Variants in TBC1D22A observed in about 807,000 individuals in gnomAD.
The protein encoded by TBC1D22A is TBC1 domain family member 22A, also known as putative GTPase activator.
Under a neutral mutation model 60.2 loss-of-function variants are expected in TBC1D22A, and 38 were observed. The observed-to-expected ratio is 0.63, with a 90% CI of 0.49 to 0.83. TBC1D22A has a LOEUF of 0.83. TBC1D22A is among the 40% of genes least tolerant of loss of function. The pLI, the probability that TBC1D22A is intolerant of heterozygous loss-of-function variation, is 0.00. For missense variants in TBC1D22A, 628 were observed against 701.0 expected (o/e 0.90, Z 1.18); for synonymous variants, 302 against 281.7 (o/e 1.07, Z -0.72).
intron 8 of TBC1D22A, among the ~76,000 whole-genome samples, chr22:46,941,834 A>ATAT (rs370457997): frequency 9.0e-5 from 11 of 121,796 alleles, no homozygotes; most frequent in African/African-American, 1.1e-4. Flanking sequence ...TATATAGAAT[A>ATAT]ATAGAATATA....
At chr22:46,879,567 C>T (rs1049503111) in intron 5 of TBC1D22A, among the ~76,000 whole-genome samples, 7 of 152,166 alleles carry the variant, frequency 4.6e-5, no homozygotes, top group South Asian at 2.1e-4. Context: ...TAAATGCAGA[C>T]GCAGCTCTGA....
intron 1 of TBC1D22A, among the ~76,000 whole-genome samples, chr22:46,770,759 TC>T (rs1431981923): frequency 1.3e-5 from 2 of 151,906 alleles, no homozygotes; most frequent in Non-Finnish European, 2.9e-5. Context: ...CGCCTTGCTT[TC>T]TTGTGTTTTT....
At position 46,804,381 on chromosome 22, in the gene TBC1D22A, C is replaced by T. The variant is rs372556984; in HGVS notation, c.637+6761C>T. Among the ~76,000 whole-genome samples, 67 of 152,388 alleles carry T rather than the reference C, an allele frequency of 4.4e-4. No homozygotes were observed. The East Asian group carries it at 0.01, about 24-fold the overall frequency. ...CAACAAACCAAAATTGCCACTGTTT[C>T]CACATGCTGTATTAACTAGAGTTGT... On this transcript the variant is annotated intron_variant, in intron 4 of 12. Transcript: ENST00000337137.
At chr22:46,873,253 A>G (rs1242376152) in intron 4 of TBC1D22A, among the ~76,000 whole-genome samples, 1 of 152,218 alleles carries the variant, frequency 6.6e-6, no homozygotes, top group African/African-American at 2.4e-5. Flanking sequence ...CACCTCACAA[A>G]AAGTAGAGAG....
At chr22:46,780,439 T>TAA (rs111885928) in intron 1 of TBC1D22A, among the ~76,000 whole-genome samples, 74 of 145,424 alleles carry the variant, frequency 5.1e-4, no homozygotes, top group African/African-American at 1.7e-3. Context: ...AACCTTCAAT[T>TAA]AAAAAAAAAA....
At chr22:46,837,799 C>A (rs2086585351) in intron 4 of TBC1D22A, among the ~76,000 whole-genome samples, 1 of 152,210 alleles carries the variant, frequency 6.6e-6, no homozygotes, top group African/African-American at 2.4e-5. Flanking sequence ...CTCAGTGGCT[C>A]ACGCCTGTAA....
intron 11 of TBC1D22A, among the ~76,000 whole-genome samples, chr22:47,076,402 CACACACAT>C (rs145161516): frequency 0.049 from 5,823 of 120,034 alleles, 230 homozygotes; most frequent in Admixed American, 0.12. Context: ...CACACACACA[CACACACAT>C]ATATATATAT....
At chr22:47,058,271 C>G (rs557842282) in intron 11 of TBC1D22A, among the ~76,000 whole-genome samples, 4 of 152,172 alleles carry the variant, frequency 2.6e-5, no homozygotes, top group Admixed American at 2.6e-4. Context: ...CCGTGCAGGC[C>G]TGGAGCTGCT....
chr22:46,879,450 A>G (rs1041010289), intron 5 of TBC1D22A, among the ~76,000 whole-genome samples: 1 of 152,196 alleles, frequency 6.6e-6, no homozygotes. Context: ...AGCTAAGTCA[A>G]TAGGGAGCTC....
chr22:47,148,574 C>A (rs1370219783), intron 12 of TBC1D22A, among the ~76,000 whole-genome samples: 1 of 151,880 alleles, frequency 6.6e-6, no homozygotes, highest in Non-Finnish European at 1.5e-5. Context: ...TTCCTGGGGT[C>A]CCTCTCTCTT....
At chr22:47,021,276 C>G (rs2062076729) in intron 10 of TBC1D22A, among the ~76,000 whole-genome samples, 1 of 147,520 alleles carries the variant, frequency 6.8e-6, no homozygotes, top group Non-Finnish European at 1.5e-5. Context: ...CAGAACCCCA[C>G]CTGTAGCCTG....
intron 4 of TBC1D22A, among the ~76,000 whole-genome samples, chr22:46,858,660 G>C (rs1251149458): frequency 1.3e-5 from 2 of 152,252 alleles, no homozygotes; most frequent in Non-Finnish European, 2.9e-5. Context: ...TGGACCGAGG[G>C]GGAGCGCTGA....
At chr22:46,862,217 C>T (rs2087930464) in intron 4 of TBC1D22A, among the ~76,000 whole-genome samples, 1 of 152,228 alleles carries the variant, frequency 6.6e-6, no homozygotes, top group Admixed American at 6.5e-5. Context: ...CAGTGAATGT[C>T]AGCTTTTGTT....
At chr22:46,956,208 A>ATAGG (rs1470297841) in intron 8 of TBC1D22A, among the ~76,000 whole-genome samples, 4 of 152,136 alleles carry the variant, frequency 2.6e-5, no homozygotes, top group Non-Finnish European at 1.5e-5. Flanking sequence ...ATGTTTGGAG[A>ATAGG]TAGGGTCTTT....
At chr22:46,764,622 A>G (rs2083222667) in intron 1 of TBC1D22A, among the ~76,000 whole-genome samples, 1 of 152,202 alleles carries the variant, frequency 6.6e-6, no homozygotes, top group Non-Finnish European at 1.5e-5. Flanking sequence ...GTTTTTGCAC[A>G]AGTAATCAAG....
intron 11 of TBC1D22A, among the ~76,000 whole-genome samples, chr22:47,077,999 G>T (rs560693706): frequency 6.6e-6 from 1 of 152,216 alleles, no homozygotes; most frequent in East Asian, 1.9e-4. Context: ...GCCTTGCCTT[G>T]CCCAGCAGCA....
intron 12 of TBC1D22A, among the ~76,000 whole-genome samples, chr22:47,164,771 G>A (rs772551822): frequency 4.6e-5 from 7 of 152,314 alleles, no homozygotes; most frequent in East Asian, 1.9e-4. Flanking sequence ...GGACCTTTTC[G>A]CCATGATTTC....
chr22:47,151,692 C>T (rs974577016), intron 12 of TBC1D22A, among the ~76,000 whole-genome samples: 2 of 152,192 alleles, frequency 1.3e-5, no homozygotes, highest in Non-Finnish European at 2.9e-5. Context: ...TCCCCTGAAG[C>T]TCTTTCAGAC....
chr22:46,807,370 C>G (rs940219956), intron 4 of TBC1D22A, among the ~76,000 whole-genome samples: 1 of 152,056 alleles, frequency 6.6e-6, no homozygotes, highest in Non-Finnish European at 1.5e-5. Context: ...GTGTTGTGGA[C>G]CCTGTCAGCC....
Sources: gnomAD v4.1 joint callset for allele counts (sites outside exome capture counted in the v4.1 genomes callset) on GRCh38, gnomAD v4.1.1 for gene constraint, MANE v1.5 for transcripts, NCBI Gene and HGNC (gene_info 2026-07-23, HGNC 2026-07-21) for gene names.